The following TLN1 variants were observed in gnomAD, a reference collection of about 807,000 sequenced individuals.
TLN1 encodes the protein talin 1.
A neutral mutation model predicts 292.3 loss-of-function variants in TLN1; 56 were observed. That is an observed-to-expected ratio of 0.19 (90% CI 0.15 to 0.24). The LOEUF is 0.24. Ranked by LOEUF, TLN1 falls within the 10% of genes least tolerant of loss-of-function variation. TLN1 has a pLI of 1.00. For synonymous variants in TLN1, 1,119 were observed against 1,253.7 expected (o/e 0.89, Z 2.27); for missense variants, 2,433 against 3,248.2 (o/e 0.75, Z 6.10).
Position 35,699,347 on chromosome 9 carries a change from A to AC in TLN1, c.6874+8dup. The AC allele has an allele frequency of 1.2e-6, 2 of 1,605,834 alleles. No individual in the cohort carries two copies. The highest frequency in any genetic ancestry group is 1.3e-5 in the African/African-American group (1 of 74,638). ...TTTCCATCCGTCCCTGTCCCTGGTC[A>AC]CCCCTCACCCTTCATGGCTTCAGCA... On this transcript the variant is annotated intron_variant, in intron 51 of 56. Coordinates refer to ENST00000314888, the MANE Select transcript of TLN1 (RefSeq NM_006289.4). This position sits in a 1 kb window ranked among gnomAD's most constrained non-coding sequence, Gnocchi z 4.0.
Position 35,719,399 on chromosome 9 carries a change from A to T in TLN1, c.1688-117T>A. ...CACATGTCCACAGAAAGACGCACAC[A>T]CACAGTCCCTTCCACAGTGAGTCAA... On this transcript the variant is annotated intron_variant, in intron 15 of 56. Coordinates refer to ENST00000314888, the MANE Select transcript of TLN1 (RefSeq NM_006289.4). This position sits in a 1 kb window ranked among gnomAD's most constrained non-coding sequence, Gnocchi z 4.6. 7.4e-7 allele frequency: 1 copy of T among 1,345,034 alleles called. No homozygotes were observed. The highest frequency in any genetic ancestry group is 1.1e-6 in the Non-Finnish European group (1 of 941,302). The allele number at this position is 1,345,034 out of a possible 1,614,324, so 83.3% of individuals were successfully genotyped here.
In TLN1 at chr9:35,697,919, G is replaced by A. The variant is rs778094765; in HGVS notation, c.7501-3C>T. ...ATTTCTTCCTGTGCTGCGATGATCT[G>A]AGGGTGGAGATCGGGGACTTAGTTC... On this transcript the variant is annotated splice_region_variant and splice_polypyrimidine_tract_variant and intron_variant, in intron 56 of 56. Transcript: ENST00000314888. 2.5e-6 allele frequency: 4 copies of A among 1,614,146 alleles called. No individual in the cohort carries two copies. The highest frequency in any genetic ancestry group is 2.5e-6 in the Non-Finnish European group (3 of 1,180,022).
rs747746834 is a variant in TLN1, at chr9:35,719,258, G to A, written c.1712C>T (p.Thr571Ile). The A allele has an allele frequency of 6.2e-7, 1 of 1,613,962 alleles. No individual in the cohort carries two copies. Among genetic ancestry groups the A allele is most frequent in the East Asian group, 2.2e-5 (1 of 44,876 alleles). The change falls in exon 16 of 57, where the codon ACC (threonine) becomes ATC (isoleucine). Residue 571 changes from threonine (T) to isoleucine (I), a missense_variant. Thr to Ile is a moderately conservative substitution (Grantham distance 89). This residue lies in a region of TLN1 where 617 missense variants were observed against 770.6 expected (regional missense o/e 0.80). Coordinates refer to ENST00000314888, the MANE Select transcript of TLN1 (RefSeq NM_006289.4). The surrounding 1 kb of genome is among the most constrained non-coding windows in gnomAD (Gnocchi z 4.6). ...TAGDPAETDYTAVGCAVTTIS... is the reference protein window; with the variant it reads ...TAGDPAETDYIAVGCAVTTIS... ...TGTGGTGACTGCACAGCCCACTGCG[G>A]TATAGTCTGTCTCAGCAGGGTCCCC... is the stretch of plus-strand genomic sequence containing the variant.
intron 31 of TLN1, 21 bp downstream of exon 31, chr9:35,710,968 A>G: frequency 6.2e-7 from 1 of 1,614,124 alleles, no homozygotes; most frequent in Non-Finnish European, 8.5e-7. Flanking sequence ...CCTCAATGCC[A>G]TCAGCCTGCC....
rs1225356952 is a variant in TLN1 at position 35,724,519 on chromosome 9, C to G, written c.511+53G>C. The G allele has an allele frequency of 1.3e-6, 2 of 1,589,504 alleles. No individual in the cohort carries two copies. Among genetic ancestry groups the G allele is most frequent in the African/African-American group, 1.4e-5 (1 of 73,616 alleles). On this transcript the variant is annotated intron_variant, in intron 5 of 56. Transcript: ENST00000314888. The surrounding 1 kb of genome is among the most constrained non-coding windows in gnomAD (Gnocchi z 4.7). The stretch of plus-strand genomic sequence containing the variant: ...TGCCTGGCAGAAGCAGATGCTGAAG[C>G]CCCTTCCCACCCTTCCCATTTCAAA...
rs752821657 is a variant in TLN1, at chr9:35,722,847, C to G, written c.843+14G>C. The G allele has an allele frequency of 1.2e-4, 189 of 1,613,460 alleles. No individual in the cohort carries two copies. The highest frequency in any genetic ancestry group is 1.5e-4 in the Non-Finnish European group (182 of 1,179,624). On this transcript the variant is annotated intron_variant, in intron 8 of 56. Coordinates refer to ENST00000314888, the MANE Select transcript of TLN1 (RefSeq NM_006289.4). ...CCGCGGTCATCCCAAATACTTTCCC[C>G]TACCCACATTCACCTGGAAGATCTT...
chr9:35,706,678 C>T lies in TLN1; in HGVS notation c.5088+90G>A. On this transcript the variant is annotated intron_variant, in intron 38 of 56. Transcript: ENST00000314888. This position sits in a 1 kb window ranked among gnomAD's most constrained non-coding sequence, Gnocchi z 4.2. ...TCGCACATCCCAGCCTTTGATGTCC[C>T]TAAGAAGCCACTCCTTGATCCCCCA... 1 of 1,586,374 alleles carries T rather than the reference C, an allele frequency of 6.3e-7. No individual in the cohort carries two copies. The highest frequency in any genetic ancestry group is 2.2e-5 in the East Asian group (1 of 44,712).
chr9:35,725,978 T>C (rs567195155), intron 1 of TLN1, among the ~76,000 whole-genome samples: 1 of 152,294 alleles, frequency 6.6e-6, no homozygotes, highest in Non-Finnish European at 1.5e-5. Context: ...AGTGGTGCGA[T>C]CTCAGCTCGC....
rs1452475426 is a variant in TLN1, at chr9:35,698,447, T to C, written c.7247A>G (p.Gln2416Arg). 4 of 1,614,096 alleles carry C rather than the reference T, an allele frequency of 2.5e-6. No individual in the cohort carries two copies. Among genetic ancestry groups the C allele is most frequent in the Non-Finnish European group, 3.4e-6 (4 of 1,180,004 alleles). ...NLCEAANAAV[Q>R]GHASQEKLIS... Reference sequence around the variant, plus strand: ...GAGCTTCTCCTGGCTGGCATGGCCTTGTACAGCTGCATTGGCTGCCTCACA... The same window carrying C: ...GAGCTTCTCCTGGCTGGCATGGCCTCGTACAGCTGCATTGGCTGCCTCACA... The change falls in exon 55 of 57, where the codon CAA becomes CGA. Residue 2416 changes from glutamine to arginine, a missense_variant. Transcript: ENST00000314888. This position sits in a 1 kb window ranked among gnomAD's most constrained non-coding sequence, Gnocchi z 5.3.
intron 1 of TLN1, among the ~76,000 whole-genome samples, chr9:35,730,068 G>C (rs967913965): frequency 2.0e-5 from 3 of 151,886 alleles, no homozygotes; most frequent in African/African-American, 7.3e-5. Context: ...ACTGCATCAG[G>C]TTGGGGGAAG....
chr9:35,717,251 C>T lies in TLN1; in HGVS notation c.2353G>A (p.Val785Met). The T allele has an allele frequency of 6.2e-7, 1 of 1,614,210 alleles. No individual in the cohort carries two copies. ...TQALNELLQH[V>M]KAHATGAGPA... The stretch of plus-strand genomic sequence containing the variant: ...CCAGCCCCTGTGGCATGGGCTTTCA[C>T]ATGCTGCAGCAGCTCATTTAGGGCC... The change falls in exon 19 of 57, where the codon GTG (valine) becomes ATG (methionine). Residue 785 changes from valine (V) to methionine (M), a missense_variant. Transcript: ENST00000314888. This position sits in a 1 kb window ranked among gnomAD's most constrained non-coding sequence, Gnocchi z 4.7.
At chr9:35,708,201 A>AT (rs1406857973) in intron 34 of TLN1, 140 bp downstream of exon 34, 26 of 1,094,784 alleles carry the variant, frequency 2.4e-5, no homozygotes, top group Non-Finnish European at 3.2e-5. Context: ...AGAAAAAGAC[A>AT]GTTACCCAAA....
In TLN1 at chr9:35,714,420, G is replaced by C; in HGVS notation, c.2986-47C>G. 1 of 1,582,744 alleles carries C rather than the reference G, an allele frequency of 6.3e-7. No homozygotes were observed. Among genetic ancestry groups the C allele is most frequent in the East Asian group, 2.2e-5 (1 of 44,522 alleles). On this transcript the variant is annotated intron_variant, in intron 23 of 56. Coordinates refer to ENST00000314888, the MANE Select transcript of TLN1 (RefSeq NM_006289.4). This position sits in a 1 kb window ranked among gnomAD's most constrained non-coding sequence, Gnocchi z 4.6. Reference sequence around the variant, plus strand: ...GATGAAGTGTGCCATCCTCCCTCTGGGCTTGGGTACAAGGACTGATGATGG... The same window carrying C: ...GATGAAGTGTGCCATCCTCCCTCTGCGCTTGGGTACAAGGACTGATGATGG...
rs1180239205 is a variant in TLN1 at position 35,725,210 on chromosome 9, GA to G, written c.228+13del. On this transcript the variant is annotated intron_variant, in intron 3 of 56. Transcript: ENST00000314888. The stretch of plus-strand genomic sequence containing the variant: ...GGAAGGGGATGTGGTGGTCCTTGAT[GA>G]AAGGATACTTACCCCATTTCGGAGC... 14 of 1,613,590 alleles carry G rather than the reference GA, an allele frequency of 8.7e-6. No individual in the cohort carries two copies. The highest frequency in any genetic ancestry group is 1.2e-5 in the Non-Finnish European group (14 of 1,179,538).
At position 35,720,164 on chromosome 9, in the gene TLN1, C is replaced by T; in HGVS notation, c.1339G>A (p.Val447Met). Residue 447 changes from valine (V) to methionine (M), a missense_variant, in exon 13 of 57, where the codon GTG (valine) becomes ATG (methionine). By Grantham distance (21) the Val-to-Met change is conservative. This residue lies in a region of TLN1 where 617 missense variants were observed against 770.6 expected (regional missense o/e 0.80). Transcript: ENST00000314888. ...GAGCGCATGATGGCAGGCAGGGCCA[C>T]AGAGCCATGCTCCACTTTCCCCACC... ...NRVGKVEHGSVALPAIMRSGA... is the reference protein window; with the variant it reads ...NRVGKVEHGSMALPAIMRSGA... 1.9e-6 allele frequency: 3 copies of T among 1,610,820 alleles called. No individual in the cohort carries two copies. The highest frequency in any genetic ancestry group is 2.5e-6 in the Non-Finnish European group (3 of 1,178,556).
intron 34 of TLN1, 70 bp downstream of exon 34, chr9:35,708,271 C>G: frequency 1.3e-6 from 2 of 1,488,828 alleles, no homozygotes; most frequent in Non-Finnish European, 1.8e-6. Context: ...CATGCCTCAC[C>G]TCCCTCTACT....
intron 48 of TLN1, 106 bp downstream of exon 48, chr9:35,703,454 A>T: frequency 9.2e-7 from 1 of 1,088,646 alleles, no homozygotes; most frequent in South Asian, 1.3e-5. Flanking sequence ...ATGAGAGAGA[A>T]GACTGTGTGT....
chr9:35,722,213 T>C lies in TLN1; in HGVS notation c.854A>G (p.Asn285Ser), dbSNP rs766292569. The change falls in exon 9 of 57, where the codon AAT (asparagine) becomes AGT (serine). Residue 285 changes from asparagine (N) to serine (S), a missense_variant. Transcript: ENST00000314888. ...GERKIFQAHK[N>S]CGQMSEIEAK... ...CTCAATCTCACTCATCTGCCCACAA[T>C]TCTTGTGTGCCTGTGCATAAAATGG... is the stretch of plus-strand genomic sequence containing the variant. 4 of 1,614,048 alleles carry C rather than the reference T, an allele frequency of 2.5e-6. No homozygotes were observed. Among genetic ancestry groups the C allele is most frequent in the South Asian group, 1.1e-5 (1 of 91,092 alleles).
At position 35,697,220 on chromosome 9, in the gene TLN1, G is replaced by C. The variant is rs1223379804; in HGVS notation, c.*571C>G. The C allele has an allele frequency of 6.5e-6, 1 of 152,974 alleles. No individual in the cohort carries two copies. Among genetic ancestry groups the C allele is most frequent in the African/African-American group, 2.4e-5 (1 of 41,458 alleles). 9.5% of individuals were successfully genotyped at this position (152,974 alleles called of 1,614,324 possible). A position where few individuals can be genotyped will look rare whatever the true frequency, so the allele number is the denominator to read the frequency against. On this transcript the variant is annotated 3_prime_UTR_variant, in exon 57 of 57. Coordinates refer to ENST00000314888, the MANE Select transcript of TLN1 (RefSeq NM_006289.4). ...GAGGAAGGGACCTCAGGTGCAGACTGCCAGTCTTCCCCTCTCCCATTTCAA... is the reference window on the plus strand; with the variant it reads ...GAGGAAGGGACCTCAGGTGCAGACTCCCAGTCTTCCCCTCTCCCATTTCAA...
Sources: allele counts gnomAD v4.1 joint callset (sites outside exome capture counted in the v4.1 genomes callset), GRCh38; gene constraint gnomAD v4.1.1; regional missense constraint gnomAD v4.1.1; non-coding constraint Gnocchi (gnomAD v3.1); transcripts MANE v1.5; gene names NCBI Gene and HGNC (gene_info 2026-07-23, HGNC 2026-07-21).